Variants in BTBD9 observed in about 807,000 individuals in gnomAD.
BTBD9 encodes BTB/POZ domain-containing protein 9.
A neutral mutation model predicts 64.3 loss-of-function variants in BTBD9; 49 were observed. That is an observed-to-expected ratio of 0.76 (90% CI 0.61 to 0.97). The LOEUF (loss-of-function observed/expected upper bound fraction) is 0.97. Ranked by LOEUF, BTBD9 falls within the 50% of genes least tolerant of loss-of-function variation. The pLI, the probability that BTBD9 is intolerant of heterozygous loss-of-function variation, is 0.00. For synonymous variants in BTBD9, 260 were observed against 274.7 expected, an observed-to-expected ratio of 0.95 and a Z score of 0.53; for missense variants, 598 against 762.1, an observed-to-expected ratio of 0.78 and a Z score of 2.53.
intron 9 of BTBD9, among the ~76,000 whole-genome samples, chr6:38,226,846 A>G (rs1285768426): frequency 6.6e-6 from 1 of 152,252 alleles, no homozygotes; most frequent in East Asian, 1.9e-4. Flanking sequence ...CCAATTAACT[A>G]CAGTCTCTCA....
At chr6:38,178,892 C>T (rs989789864) in intron 10 of BTBD9, among the ~76,000 whole-genome samples, 4 of 151,948 alleles carry the variant, frequency 2.6e-5, no homozygotes, top group South Asian at 2.1e-4. Context: ...CTCGCTCTGT[C>T]GCCAGGCTGG....
intron 8 of BTBD9, among the ~76,000 whole-genome samples, chr6:38,275,289 A>C (rs1047888328): frequency 8.6e-5 from 13 of 151,888 alleles, no homozygotes; most frequent in Non-Finnish European, 1.3e-4. Flanking sequence ...AAAACTGGCT[A>C]GCCATATGTA....
intron 6 of BTBD9, among the ~76,000 whole-genome samples, chr6:38,422,166 C>A (rs1220565050): frequency 1.3e-5 from 2 of 152,144 alleles, no homozygotes; most frequent in Admixed American, 1.3e-4. Context: ...CTAATTATTT[C>A]ATTTCTCCTT....
intron 8 of BTBD9, among the ~76,000 whole-genome samples, chr6:38,267,752 A>C (rs1182736269): frequency 1.3e-5 from 2 of 152,208 alleles, no homozygotes; most frequent in African/African-American, 4.8e-5. Flanking sequence ...ATCTCTGCCT[A>C]ACATGGTGAA....
At chr6:38,604,616 G>A (rs900093722) in intron 1 of BTBD9, among the ~76,000 whole-genome samples, 1 of 152,126 alleles carries the variant, frequency 6.6e-6, no homozygotes, top group Non-Finnish European at 1.5e-5. Flanking sequence ...TCATAGGGTG[G>A]CTATGATTTT....
chr6:38,511,340 C>CTTTT (rs34407005), intron 6 of BTBD9, among the ~76,000 whole-genome samples: 4 of 107,486 alleles, frequency 3.7e-5, no homozygotes, highest in Admixed American at 1.1e-4. Flanking sequence ...TTGGAAATGC[C>CTTTT]TTTTTTTTTT....
At chr6:38,443,001 AT>A (rs200367792) in intron 6 of BTBD9, among the ~76,000 whole-genome samples, 1 of 152,178 alleles carries the variant, frequency 6.6e-6, no homozygotes, top group South Asian at 2.1e-4. Context: ...AGGATCAAGG[AT>A]TTTTTAAAAA....
Position 38,608,943 on chromosome 6 carries a change from G to A in BTBD9, c.-27-10822C>T, listed in dbSNP as rs190816837. Among the ~76,000 whole-genome samples the A allele has an allele frequency of 3.9e-4, 60 of 152,186 alleles. 1 individual carries two copies. The highest frequency in any genetic ancestry group is 1.3e-3 in the African/African-American group (54 of 41,540). On this transcript the variant is annotated intron_variant, in intron 1 of 10. Coordinates refer to ENST00000481247, the MANE Select transcript of BTBD9 (RefSeq NM_001099272.2). ...TACTGTGATTTTAAAAAAAGAAGAAGCAGAAGAAAAAGAAACTCAGAAACA... is the reference window on the plus strand; with the variant it reads ...TACTGTGATTTTAAAAAAAGAAGAAACAGAAGAAAAAGAAACTCAGAAACA...
intron 9 of BTBD9, among the ~76,000 whole-genome samples, chr6:38,208,288 C>T (rs985126042): frequency 2.0e-5 from 3 of 152,166 alleles, no homozygotes; most frequent in Admixed American, 6.5e-5. Context: ...TCTGACAGTT[C>T]TTTATGAGTG....
At chr6:38,235,242 G>C (rs1206617231) in intron 9 of BTBD9, among the ~76,000 whole-genome samples, 2 of 152,204 alleles carry the variant, frequency 1.3e-5, no homozygotes, top group African/African-American at 4.8e-5. Flanking sequence ...TTGAATGAGT[G>C]AAGAAAGGTC....
intron 6 of BTBD9, among the ~76,000 whole-genome samples, chr6:38,486,635 T>C (rs1771441313): frequency 6.6e-6 from 1 of 152,186 alleles, no homozygotes; most frequent in Non-Finnish European, 1.5e-5. Flanking sequence ...ATGGGTGTGG[T>C]TTGTGATGTT....
At chr6:38,464,381 TG>T (rs1406783329) in intron 6 of BTBD9, among the ~76,000 whole-genome samples, 1 of 140,222 alleles carries the variant, frequency 7.1e-6, no homozygotes, top group East Asian at 1.9e-4. Context: ...CTTGCATTCA[TG>T]AAAAAAAAAA....
At chr6:38,597,399 G>A (rs1413156119) in intron 2 of BTBD9, among the ~76,000 whole-genome samples, 1 of 152,206 alleles carries the variant, frequency 6.6e-6, no homozygotes, top group East Asian at 1.9e-4. Flanking sequence ...AAAATGTAGA[G>A]TAGTTAAAGA....
At chr6:38,316,994 CTTAGTTTT>C (rs1763051709) in intron 7 of BTBD9, among the ~76,000 whole-genome samples, 1 of 151,912 alleles carries the variant, frequency 6.6e-6, no homozygotes, top group African/African-American at 2.4e-5. Context: ...TCCTTTAGCA[CTTAGTTTT>C]TTATTTTTTT....
intron 9 of BTBD9, among the ~76,000 whole-genome samples, chr6:38,200,044 G>A (rs1762405254): frequency 3.9e-5 from 6 of 152,208 alleles, no homozygotes; most frequent in Admixed American, 3.9e-4. Flanking sequence ...GTCAGGAGAA[G>A]CATGGCCTGC....
chr6:38,403,814 G>C (rs1366330990), intron 6 of BTBD9, among the ~76,000 whole-genome samples: 2 of 152,146 alleles, frequency 1.3e-5, no homozygotes, highest in African/African-American at 4.8e-5. Context: ...GCAGCCAAAA[G>C]ACTAAAATGG....
Position 38,428,510 on chromosome 6 carries a change from A to AT in BTBD9, c.1155-83418dup, listed in dbSNP as rs1159001353. On this transcript the variant is annotated intron_variant, in intron 6 of 10. Transcript: ENST00000481247. ...GGGCTCGAGTGATCCGTATTAAAGC[A>AT]TTTTTTTGGCACACTCTATAAGGTC... 4.7e-5 allele frequency among the ~76,000 whole-genome samples: 7 copies of AT among 150,106 alleles called. No individual in the cohort carries two copies. In the East Asian group the frequency reaches 7.9e-4, roughly 17 times the overall value.
intron 6 of BTBD9, among the ~76,000 whole-genome samples, chr6:38,401,351 G>A (rs533347900): frequency 3.3e-5 from 5 of 152,280 alleles, no homozygotes; most frequent in Non-Finnish European, 4.4e-5. Context: ...CCCCAGCCAT[G>A]CAGAACTGTG....
intron 1 of BTBD9, among the ~76,000 whole-genome samples, chr6:38,637,931 G>A (rs929157213): frequency 3.3e-5 from 5 of 152,138 alleles, no homozygotes; most frequent in Non-Finnish European, 5.9e-5. Flanking sequence ...ATGCTGATAA[G>A]CCCGCCTTAA....
Sources: allele counts gnomAD v4.1 joint callset (sites outside exome capture counted in the v4.1 genomes callset), GRCh38; gene constraint gnomAD v4.1.1; transcripts MANE v1.5; gene names NCBI Gene and HGNC (gene_info 2026-07-23, HGNC 2026-07-21).